ROBO2: variants seen among roughly 807,000 people sequenced by gnomAD.
ROBO2 encodes the protein roundabout guidance receptor 2.
A neutral mutation model predicts 160.8 loss-of-function variants in ROBO2; 53 were observed. That is an observed-to-expected ratio of 0.33 (90% CI 0.26 to 0.41). The LOEUF (loss-of-function observed/expected upper bound fraction) is 0.41. Among genes scored for constraint, ROBO2 ranks in the 10% least tolerant of loss-of-function variants. The pLI is 1.00. For missense variants in ROBO2, 1,577 were observed against 1,722.4 expected, an observed-to-expected ratio of 0.92 and a Z score of 1.49; for synonymous variants, 664 against 611.7, an observed-to-expected ratio of 1.09 and a Z score of -1.26.
chr3:76,592,384 C>T (rs1469615713), intron 2 of ROBO2, among the ~76,000 whole-genome samples: 2 of 152,074 alleles, frequency 1.3e-5, no homozygotes, highest in African/African-American at 4.8e-5. Flanking sequence ...CTAACCTAGA[C>T]AGATGCTCAA....
At chr3:76,731,820 G>T (rs75709775) in intron 2 of ROBO2, among the ~76,000 whole-genome samples, 2 of 152,154 alleles carry the variant, frequency 1.3e-5, no homozygotes, top group Non-Finnish European at 2.9e-5. Flanking sequence ...AATTCATGGG[G>T]ACTCTATTTT....
At chr3:77,280,155 G>C (rs2153369901) in intron 2 of ROBO2, among the ~76,000 whole-genome samples, 1 of 152,124 alleles carries the variant, frequency 6.6e-6, no homozygotes, top group South Asian at 2.1e-4. Context: ...ATTCTAATCT[G>C]GCCTCGATTC....
intron 2 of ROBO2, among the ~76,000 whole-genome samples, chr3:76,903,236 C>T (rs946157079): frequency 2.6e-5 from 4 of 152,102 alleles, no homozygotes; most frequent in African/African-American, 7.2e-5. Flanking sequence ...ACCAATGTTT[C>T]TCTTAACCTG....
intron 2 of ROBO2, among the ~76,000 whole-genome samples, chr3:77,456,260 A>T (rs564531117): frequency 4.6e-5 from 7 of 152,350 alleles, no homozygotes; most frequent in Non-Finnish European, 8.8e-5. Context: ...TTAGCCATCG[A>T]AGATCCCAAA....
chr3:77,066,448 G>A (rs1368671481), intron 1 of ROBO2, among the ~76,000 whole-genome samples: 3 of 152,006 alleles, frequency 2.0e-5, no homozygotes, highest in African/African-American at 7.2e-5. Context: ...ATAGTTTCCT[G>A]TATTAATTAT....
At chr3:76,441,751 A>T (rs1322097943) in intron 2 of ROBO2, among the ~76,000 whole-genome samples, 1 of 152,198 alleles carries the variant, frequency 6.6e-6, no homozygotes, top group East Asian at 1.9e-4. Context: ...ATTAAATGTC[A>T]AGCCAATTTT....
intron 2 of ROBO2, among the ~76,000 whole-genome samples, chr3:76,982,900 A>G (rs1174700806): frequency 1.3e-5 from 2 of 152,216 alleles, no homozygotes; most frequent in Non-Finnish European, 2.9e-5. Context: ...ATGTGAATTA[A>G]TAATTCATAC....
chr3:76,587,399 A>G (rs2086115081), intron 2 of ROBO2, among the ~76,000 whole-genome samples: 1 of 152,114 alleles, frequency 6.6e-6, no homozygotes, highest in Non-Finnish European at 1.5e-5. Flanking sequence ...AAGGGGTTTA[A>G]TTGACTCACA....
chr3:77,635,509 C>T (rs1310054100), intron 24 of ROBO2, among the ~76,000 whole-genome samples: 1 of 152,156 alleles, frequency 6.6e-6, no homozygotes, highest in Non-Finnish European at 1.5e-5. Context: ...TGAAGAGTGT[C>T]TTAGTCTGTC....
At chr3:75,958,343 CTT>C (rs1948790231) in intron 2 of ROBO2, among the ~76,000 whole-genome samples, 1 of 151,768 alleles carries the variant, frequency 6.6e-6, no homozygotes. Flanking sequence ...TGGCAGCACT[CTT>C]ATAGGAATAG....
At chr3:76,843,262 A>G in intron 2 of ROBO2, among the ~76,000 whole-genome samples, 1 of 151,050 alleles carries the variant, frequency 6.6e-6, no homozygotes, top group South Asian at 2.1e-4. Flanking sequence ...CATAAATCAT[A>G]TGAAAATAAA....
At chr3:77,044,466 C>T (rs1433375195) in intron 1 of ROBO2, among the ~76,000 whole-genome samples, 1 of 152,036 alleles carries the variant, frequency 6.6e-6, no homozygotes, top group Non-Finnish European at 1.5e-5. Flanking sequence ...TCTCCTTTTT[C>T]TCCTTTTTTT....
chr3:76,319,076 C>A (rs1284802915), intron 2 of ROBO2, among the ~76,000 whole-genome samples: 1 of 152,110 alleles, frequency 6.6e-6, no homozygotes, highest in Non-Finnish European at 1.5e-5. Context: ...AAGGCCATTA[C>A]ATTTTCAGAG....
intron 2 of ROBO2, among the ~76,000 whole-genome samples, chr3:76,787,293 G>A (rs9853034): frequency 0.01 from 1,531 of 149,284 alleles, 22 homozygotes; most frequent in African/African-American, 0.035. Flanking sequence ...AACATGTGAA[G>A]TTTGAATTTT....
chr3:76,750,560 C>T (rs2093967227), intron 2 of ROBO2, among the ~76,000 whole-genome samples: 1 of 152,106 alleles, frequency 6.6e-6, no homozygotes, highest in Non-Finnish European at 1.5e-5. Flanking sequence ...ATCATCTCAG[C>T]CCCAAATCTC....
intron 2 of ROBO2, among the ~76,000 whole-genome samples, chr3:76,923,331 G>T (rs1202417003): frequency 2.0e-5 from 3 of 152,198 alleles, no homozygotes; most frequent in Non-Finnish European, 4.4e-5. Flanking sequence ...GTGGAAAGCT[G>T]ATCTCTTTAT....
chr3:76,768,657 T>C (rs999349891), intron 2 of ROBO2, among the ~76,000 whole-genome samples: 1 of 150,440 alleles, frequency 6.6e-6, no homozygotes, highest in African/African-American at 2.4e-5. Flanking sequence ...ATATAATATA[T>C]AAATATAATA....
intron 2 of ROBO2, among the ~76,000 whole-genome samples, chr3:77,273,469 C>CA (rs2059632756): frequency 1.3e-5 from 2 of 152,152 alleles, no homozygotes; most frequent in African/African-American, 4.8e-5. Context: ...GTCTTAGATA[C>CA]AAAAAATGAA....
chr3:77,014,823 G>A (rs968386898), intron 2 of ROBO2, among the ~76,000 whole-genome samples: 1 of 152,100 alleles, frequency 6.6e-6, no homozygotes, highest in Admixed American at 6.5e-5. Context: ...TGAACAAGCA[G>A]AGTTTCATTT....
Sources: gnomAD v4.1 joint callset for allele counts (sites outside exome capture counted in the v4.1 genomes callset) on GRCh38, gnomAD v4.1.1 for gene constraint, MANE v1.5 for transcripts, NCBI Gene and HGNC (gene_info 2026-07-23, HGNC 2026-07-21) for gene names.